Variants in NCAPD3 observed in about 807,000 individuals in gnomAD.
NCAPD3 encodes the protein condensin-2 complex subunit D3.
Under a neutral mutation model 182.9 loss-of-function variants are expected in NCAPD3, and 105 were observed. The observed-to-expected ratio is 0.57, with a 90% confidence interval of 0.49 to 0.68. NCAPD3 has a LOEUF of 0.68. Ranked by LOEUF, NCAPD3 falls within the 30% of genes least tolerant of loss-of-function variation. The probability of loss-of-function intolerance (pLI) is 0.00; values close to 1 mark genes in which losing one functional copy is unlikely to be tolerated. For synonymous variants in NCAPD3, 815 were observed against 679.9 expected, an observed-to-expected ratio of 1.20 and a Z score of -3.09; for missense variants, 1,944 against 1,837.0, an observed-to-expected ratio of 1.06 and a Z score of -1.07.
chr11:134,158,168 C>G, intron 30 of NCAPD3, 101 bp from the exon 31 acceptor site: 1 of 1,524,034 alleles, frequency 6.6e-7, no homozygotes, highest in Non-Finnish European at 8.9e-7. Context: ...CGGCGCATCC[C>G]TCACCACCCT....
At chr11:134,163,423 G>A (rs1469734207) in intron 27 of NCAPD3, among the ~76,000 whole-genome samples, 1 of 152,104 alleles carries the variant, frequency 6.6e-6, no homozygotes, top group Non-Finnish European at 1.5e-5. Context: ...TGCTGGGCTG[G>A]GTGTGGTGGC....
intron 28 of NCAPD3, 103 bp downstream of exon 28, chr11:134,161,678 G>T (rs955960326): frequency 4.1e-6 from 3 of 731,266 alleles, no homozygotes; most frequent in African/African-American, 1.8e-5. Context: ...AGAATTTGGG[G>T]TTCTAATCAT....
intron 8 of NCAPD3, among the ~76,000 whole-genome samples, chr11:134,205,314 C>T (rs1029285852): frequency 6.6e-6 from 1 of 152,118 alleles, no homozygotes. Flanking sequence ...CACAGTACCA[C>T]CTCATGGTAG....
chr11:134,171,889 G>C (rs1221794278), intron 24 of NCAPD3, among the ~76,000 whole-genome samples: 1 of 152,120 alleles, frequency 6.6e-6, no homozygotes. Context: ...CAGAGGATGA[G>C]GAGCACATTT....
intron 1 of NCAPD3, 75 bp from the exon 2 acceptor site, chr11:134,220,801 G>T: frequency 7.0e-7 from 1 of 1,429,408 alleles, no homozygotes; most frequent in Non-Finnish European, 9.6e-7. Flanking sequence ...GATTCCAGGT[G>T]TGTTCAAGAG....
At chr11:134,183,776 G>A (rs1028083397) in intron 19 of NCAPD3, among the ~76,000 whole-genome samples, 1 of 152,180 alleles carries the variant, frequency 6.6e-6, no homozygotes, top group Non-Finnish European at 1.5e-5. Flanking sequence ...TGATCTGTTA[G>A]AAGTAGAAAA....
At chr11:134,186,729 G>T (rs943515767) in intron 16 of NCAPD3, among the ~76,000 whole-genome samples, 15 of 151,972 alleles carry the variant, frequency 9.9e-5, no homozygotes, top group African/African-American at 3.4e-4. Context: ...TTTTTAGAAG[G>T]GAAATTCTCA....
In NCAPD3 at chr11:134,153,205, A is replaced by T. The variant is rs759430514; in HGVS notation, c.4328-5T>A. The T allele has an allele frequency of 1.9e-6, 3 of 1,614,062 alleles. No individual in the cohort carries two copies. The South Asian group carries it at 3.3e-5, about 18-fold the overall frequency. On this transcript the variant is annotated splice_polypyrimidine_tract_variant and splice_region_variant and intron_variant, in intron 33 of 34. Transcript: ENST00000534548. ...GACTCCGGCCTTCAATTTTCTCTAA[A>T]AGGGAGTCAAACAAACACATTCAGC...
chr11:134,172,488 C>T (rs1352599790), intron 24 of NCAPD3, among the ~76,000 whole-genome samples: 2 of 152,200 alleles, frequency 1.3e-5, no homozygotes. Flanking sequence ...TTCCTTTTCT[C>T]CCAAACCAGG....
chr11:134,209,558 G>A, intron 4 of NCAPD3, 81 bp from the exon 5 acceptor site: 1 of 1,368,242 alleles, frequency 7.3e-7, no homozygotes, highest in African/African-American at 1.5e-5. Flanking sequence ...CCCAAACCAA[G>A]CCCAGATAAA....
In NCAPD3 at chr11:134,202,904, A is replaced by G; in HGVS notation, c.1527T>C (p.Ala509=). The change falls in exon 13 of 35, where the codon GCT becomes GCC. Residue 509 remains alanine (A), a splice_region_variant and synonymous_variant. Coordinates refer to ENST00000534548, the MANE Select transcript of NCAPD3 (RefSeq NM_015261.3). ...TAGATGTCTGCCTTTGGTAGGAAAAAGCTTTAAAAAAAAAATTACAGTCAT... is the reference window on the plus strand; with the variant it reads ...TAGATGTCTGCCTTTGGTAGGAAAAGGCTTTAAAAAAAAAATTACAGTCAT... The part of the protein sequence containing the change: ...HPGTLLRNSS[A]FSYQRQTSNR... 6.3e-7 allele frequency: 1 copy of G among 1,598,352 alleles called. No individual in the cohort carries two copies. The highest frequency in any genetic ancestry group is 1.1e-5 in the South Asian group (1 of 87,740).
In NCAPD3 at chr11:134,153,362, C is replaced by G. The variant is rs773764304; in HGVS notation, c.4254G>C (p.Lys1418Asn). ...CTCCAAACGTGACATCACTGATGCT[C>G]TCTGCATAAAGAGGAGACACCACTG... ...VTKRAISTPE[K>N]SISDVTFGAG... The change falls in exon 33 of 35, where the codon AAG (lysine) becomes AAC (asparagine). Residue 1418 changes from lysine (K) to asparagine (N), a missense_variant and splice_region_variant. Lys to Asn is a moderately conservative substitution (Grantham distance 94). Around this residue, in one of 3 missense-constraint regions of NCAPD3, gnomAD observed 1,803 missense variants for 1,674.6 expected, o/e 1.08. Coordinates refer to ENST00000534548, the MANE Select transcript of NCAPD3 (RefSeq NM_015261.3). The G allele has an allele frequency of 1.2e-6, 2 of 1,614,106 alleles. No individual in the cohort carries two copies. Among genetic ancestry groups the G allele is most frequent in the Non-Finnish European group, 1.7e-6 (2 of 1,179,994 alleles).
intron 19 of NCAPD3, among the ~76,000 whole-genome samples, chr11:134,181,589 G>A (rs1944298124): frequency 1.3e-5 from 2 of 152,154 alleles, no homozygotes; most frequent in African/African-American, 2.4e-5. Context: ...ATTTTTTAAA[G>A]ACATAAAATA....
intron 3 of NCAPD3, among the ~76,000 whole-genome samples, chr11:134,211,631 A>G (rs1474056444): frequency 1.3e-5 from 2 of 152,222 alleles, no homozygotes; most frequent in Non-Finnish European, 2.9e-5. Context: ...TAATGGAACC[A>G]GCTGACAACA....
intron 16 of NCAPD3, among the ~76,000 whole-genome samples, chr11:134,189,776 T>G (rs1944486514): frequency 6.6e-6 from 1 of 152,220 alleles, no homozygotes. Context: ...CCTTTATCAT[T>G]ATAAGTAACT....
chr11:134,222,120 T>C (rs1938254072), intron 1 of NCAPD3, among the ~76,000 whole-genome samples: 2 of 152,216 alleles, frequency 1.3e-5, no homozygotes, highest in Admixed American at 1.3e-4. Flanking sequence ...TCTTCAGTGT[T>C]GATTGTTGAG....
At chr11:134,205,022 C>T (rs765170209) in intron 8 of NCAPD3, 51 bp from the exon 9 acceptor site, 1 of 1,361,716 alleles carries the variant, frequency 7.3e-7, no homozygotes, top group Non-Finnish European at 1.0e-6. Context: ...CAGCGACTGT[C>T]CCCAAAAACC....
chr11:134,198,589 G>C (rs1004603706), intron 13 of NCAPD3, among the ~76,000 whole-genome samples: 9 of 152,238 alleles, frequency 5.9e-5, no homozygotes, highest in African/African-American at 2.2e-4. Flanking sequence ...ATTTTACAGA[G>C]CTTGACTCTT....
intron 18 of NCAPD3, 50 bp from the exon 19 acceptor site, chr11:134,184,802 G>C: frequency 8.6e-7 from 1 of 1,162,994 alleles, no homozygotes; most frequent in Non-Finnish European, 1.2e-6. Context: ...AATATATTCA[G>C]GTATATATAC....
Sources: gnomAD v4.1 joint callset for allele counts (sites outside exome capture counted in the v4.1 genomes callset) on GRCh38, gnomAD v4.1.1 for gene constraint, gnomAD v4.1.1 regional missense constraint, MANE v1.5 for transcripts, NCBI Gene and HGNC (gene_info 2026-07-23, HGNC 2026-07-21) for gene names.